Variants in SRRM4 observed in about 807,000 individuals in gnomAD.
The protein encoded by SRRM4 is serine/arginine repetitive matrix protein 4.
A neutral mutation model predicts 68.9 loss-of-function variants in SRRM4; 33 were observed. That is an observed-to-expected ratio of 0.48 (90% confidence interval 0.36 to 0.64). The LOEUF (loss-of-function observed/expected upper bound fraction) is 0.64. Ranked by LOEUF, SRRM4 falls within the 30% of genes least tolerant of loss-of-function variation. The pLI is 0.00. For missense variants in SRRM4, 817 were observed against 827.1 expected (o/e 0.99, Z 0.15); for synonymous variants, 318 against 318.8 (o/e 1.00, Z 0.03).
At chr12:119,032,783 G>A (rs1327010769) in intron 1 of SRRM4, among the ~76,000 whole-genome samples, 3 of 152,114 alleles carry the variant, frequency 2.0e-5, no homozygotes, top group Non-Finnish European at 2.9e-5. Flanking sequence ...TTTTAACAGA[G>A]TTAACCATGT....
intron 1 of SRRM4, among the ~76,000 whole-genome samples, chr12:118,995,492 T>C (rs1042592336): frequency 1.3e-5 from 2 of 152,212 alleles, no homozygotes; most frequent in African/African-American, 4.8e-5. Context: ...GCCACAGTGG[T>C]GCATCAGAGA....
chr12:118,992,437 A>T (rs746847647), intron 1 of SRRM4, among the ~76,000 whole-genome samples: 1 of 152,182 alleles, frequency 6.6e-6, no homozygotes, highest in African/African-American at 2.4e-5. Flanking sequence ...AGAGCAGGTG[A>T]GCAGCTCTGG....
intron 1 of SRRM4, among the ~76,000 whole-genome samples, chr12:119,086,259 C>T (rs990864061): frequency 1.3e-5 from 2 of 152,092 alleles, no homozygotes; most frequent in Admixed American, 6.5e-5. Context: ...CTTAGTTGGG[C>T]GCAAGTAAAA....
chr12:118,997,367 C>T (rs1050322379), intron 1 of SRRM4, among the ~76,000 whole-genome samples: 1 of 152,232 alleles, frequency 6.6e-6, no homozygotes, highest in African/African-American at 2.4e-5. Flanking sequence ...CGCAACTTGG[C>T]AGAGCTCTTT....
chr12:119,128,305 C>T (rs1057073242), intron 7 of SRRM4, among the ~76,000 whole-genome samples: 2 of 152,148 alleles, frequency 1.3e-5, no homozygotes, highest in Non-Finnish European at 2.9e-5. Flanking sequence ...GCTGCTTCCT[C>T]GGCAGTCAGC....
rs1565882797 is a variant in SRRM4, at chr12:118,982,687, TTTTTTTTTC to T, written c.131+675_131+683del. 4.6e-4 allele frequency among the ~76,000 whole-genome samples: 65 copies of T among 141,644 alleles called. 1 individual carries two copies. Among genetic ancestry groups the T allele is most frequent in the African/African-American group, 1.7e-3 (65 of 37,516 alleles). The allele number at this position is 141,644 out of a possible 152,430, so 92.9% of individuals were successfully genotyped here. ...TTATTTTGTTTTTTTTTGTTTTTTTTTTTTTTTTCCAAAAAGAATCTGATTGCTTTGAAC... is the reference window on the plus strand; with the variant it reads ...TTATTTTGTTTTTTTTTGTTTTTTTTCAAAAAGAATCTGATTGCTTTGAAC... On this transcript the variant is annotated intron_variant, in intron 1 of 12. Transcript: ENST00000267260.
At chr12:119,064,414 C>T (rs1231079298) in intron 1 of SRRM4, among the ~76,000 whole-genome samples, 2 of 152,076 alleles carry the variant, frequency 1.3e-5, no homozygotes, top group African/African-American at 4.8e-5. Flanking sequence ...AAAAAATGCA[C>T]ACATATAATT....
chr12:119,075,937 GAT>G (rs1491490166), intron 1 of SRRM4, among the ~76,000 whole-genome samples: 6 of 79,758 alleles, frequency 7.5e-5, no homozygotes, highest in African/African-American at 2.9e-4. Context: ...TGGTGATGGT[GAT>G]GATGATGGTG....
intron 8 of SRRM4, among the ~76,000 whole-genome samples, chr12:119,132,036 C>G (rs1954301506): frequency 6.6e-6 from 1 of 152,152 alleles, no homozygotes; most frequent in Non-Finnish European, 1.5e-5. Context: ...ATCTTCTTTA[C>G]CAGTCAAGGC....
intron 1 of SRRM4, among the ~76,000 whole-genome samples, chr12:119,096,004 CT>C (rs1954042006): frequency 6.7e-6 from 1 of 149,710 alleles, no homozygotes; most frequent in South Asian, 2.1e-4. Context: ...AGTCTTCTCC[CT>C]TTTGTTCTCA....
chr12:118,997,642 C>T (rs1365601414), intron 1 of SRRM4, among the ~76,000 whole-genome samples: 1 of 152,182 alleles, frequency 6.6e-6, no homozygotes, highest in African/African-American at 2.4e-5. Context: ...TTCAGCCTGA[C>T]ACACGTCTCC....
intron 1 of SRRM4, among the ~76,000 whole-genome samples, chr12:119,053,942 AG>A (rs1565898400): frequency 6.6e-6 from 1 of 152,196 alleles, no homozygotes; most frequent in Non-Finnish European, 1.5e-5. Context: ...TATTGGCTAT[AG>A]TCACCCCATT....
intron 1 of SRRM4, among the ~76,000 whole-genome samples, chr12:119,079,930 A>C (rs1664950144): frequency 6.6e-6 from 1 of 152,076 alleles, no homozygotes; most frequent in South Asian, 2.1e-4. Context: ...GTAATTAAGA[A>C]GGCATTGTGC....
In SRRM4 at chr12:119,153,559, G is replaced by C; in HGVS notation, c.1301G>C (p.Ser434Thr). 1 of 1,573,886 alleles carries C rather than the reference G, an allele frequency of 6.4e-7. No homozygotes were observed. Among genetic ancestry groups the C allele is most frequent in the Non-Finnish European group, 8.6e-7 (1 of 1,160,238 alleles). Residue 434 changes from serine to threonine, a missense_variant, in exon 11 of 13, where the codon AGC (serine) becomes ACC (threonine). Transcript: ENST00000267260. ...SEKRSYSRSP[S>T]YSSKSGKRSP... ...CCCAGGTCCTACTCCCGCTCTCCCA[G>C]CTATTCCTCCAAGTCTGGCAAGAGG...
At chr12:119,150,408 G>T (rs1420414223) in intron 9 of SRRM4, among the ~76,000 whole-genome samples, 1 of 152,122 alleles carries the variant, frequency 6.6e-6, no homozygotes, top group Non-Finnish European at 1.5e-5. Context: ...GAAGGCAGAG[G>T]TTGCAGTCAG....
chr12:119,002,989 C>T (rs1953394272), intron 1 of SRRM4, among the ~76,000 whole-genome samples: 2 of 150,918 alleles, frequency 1.3e-5, no homozygotes, highest in Non-Finnish European at 3.0e-5. Flanking sequence ...TTTTCATTAT[C>T]CTTATTTTAC....
At chr12:119,091,789 C>T (rs990648287) in intron 1 of SRRM4, among the ~76,000 whole-genome samples, 1 of 152,140 alleles carries the variant, frequency 6.6e-6, no homozygotes, top group Non-Finnish European at 1.5e-5. Flanking sequence ...GTGCAGCTTG[C>T]CTTGTATCCT....
chr12:119,111,475 C>A (rs1048812566), intron 2 of SRRM4, among the ~76,000 whole-genome samples: 1 of 152,192 alleles, frequency 6.6e-6, no homozygotes, highest in Non-Finnish European at 1.5e-5. Context: ...TCATGCTCTC[C>A]TGGGACCCTG....
intron 1 of SRRM4, among the ~76,000 whole-genome samples, chr12:119,087,705 T>C (rs1953987967): frequency 6.6e-6 from 1 of 152,056 alleles, no homozygotes; most frequent in South Asian, 2.1e-4. Context: ...GGAATAGCAG[T>C]CAGCATGGGG....
Sources: gnomAD v4.1 joint callset for allele counts (sites outside exome capture counted in the v4.1 genomes callset) on GRCh38, gnomAD v4.1.1 for gene constraint, MANE v1.5 for transcripts, NCBI Gene and HGNC (gene_info 2026-07-23, HGNC 2026-07-21) for gene names.